RYR2: variants seen among roughly 807,000 people sequenced by gnomAD.
The protein encoded by RYR2 is cardiac muscle ryanodine receptor-calcium release channel.
Under a neutral mutation model 601.1 loss-of-function variants are expected in RYR2, and 227 were observed. That is an observed-to-expected ratio of 0.38 (90% CI 0.34 to 0.42). RYR2 has a LOEUF of 0.42. Ranked by LOEUF, RYR2 falls within the 10% of genes least tolerant of loss-of-function variation. RYR2 has a pLI of 1.00. For missense variants in RYR2, 4,646 were observed against 6,156.5 expected, an observed-to-expected ratio of 0.75 and a Z score of 8.21; for synonymous variants, 2,223 against 2,175.1, an observed-to-expected ratio of 1.02 and a Z score of -0.61.
chr1:237,155,022 C>T (rs1048212290), intron 1 of RYR2, among the ~76,000 whole-genome samples: 5 of 152,050 alleles, frequency 3.3e-5, no homozygotes, highest in Non-Finnish European at 7.3e-5. Flanking sequence ...CTTTCCAAGC[C>T]TCAAGGATCC....
chr1:237,726,149 C>T lies in RYR2; in HGVS notation c.10690-124C>T, dbSNP rs183565379. ...TGCCTCGTGAAAATTTCTAAACCACCGCAGTCCAAACATTTTAAATGTTTA... is the reference window on the plus strand; with the variant it reads ...TGCCTCGTGAAAATTTCTAAACCACTGCAGTCCAAACATTTTAAATGTTTA... On this transcript the variant is annotated intron_variant, in intron 74 of 104. Transcript: ENST00000366574. 244 of 703,278 alleles carry T rather than the reference C, an allele frequency of 3.5e-4. No individual in the cohort carries two copies. The East Asian group carries it at 6.8e-3, about 19-fold the overall frequency. 43.6% of individuals were successfully genotyped at this position (703,278 alleles called of 1,614,324 possible). A position where few individuals can be genotyped will look rare whatever the true frequency, so the allele number is the denominator to read the frequency against.
chr1:237,284,252 G>A (rs1452975877), intron 2 of RYR2, among the ~76,000 whole-genome samples: 1 of 150,482 alleles, frequency 6.6e-6, no homozygotes, highest in African/African-American at 2.5e-5. Context: ...GTGGTCGCGG[G>A]CACCTGTAAT....
intron 24 of RYR2, among the ~76,000 whole-genome samples, chr1:237,512,885 T>C (rs907516768): frequency 1.3e-5 from 2 of 152,000 alleles, no homozygotes; most frequent in East Asian, 3.9e-4. Context: ...ATGATAGTAA[T>C]AAAAATAAAT....
chr1:237,099,062 G>T (rs1667794023), intron 1 of RYR2, among the ~76,000 whole-genome samples: 1 of 151,810 alleles, frequency 6.6e-6, no homozygotes, highest in East Asian at 1.9e-4. Flanking sequence ...AAATGAATGG[G>T]CTTTTAAAGA....
intron 2 of RYR2, among the ~76,000 whole-genome samples, chr1:237,274,410 G>T (rs79146904): frequency 0.16 from 24,071 of 150,306 alleles, 2,365 homozygotes; most frequent in East Asian, 0.53. Flanking sequence ...AGTTTAAAAA[G>T]TAAAAAAAAA....
At chr1:237,065,661 C>A (rs1357866396) in intron 1 of RYR2, among the ~76,000 whole-genome samples, 1 of 152,114 alleles carries the variant, frequency 6.6e-6, no homozygotes, top group Admixed American at 6.5e-5. Flanking sequence ...TTTTGTTCTC[C>A]ATCTCTGTAA....
intron 1 of RYR2, among the ~76,000 whole-genome samples, chr1:237,113,988 TTTA>T (rs766565699): frequency 5.9e-5 from 9 of 152,210 alleles, no homozygotes; most frequent in Non-Finnish European, 8.8e-5. Flanking sequence ...CAACTTGCCT[TTTA>T]TTCTCTCAGC....
chr1:237,545,323 A>G (rs534918041), intron 25 of RYR2, among the ~76,000 whole-genome samples: 4 of 152,350 alleles, frequency 2.6e-5, no homozygotes, highest in African/African-American at 9.6e-5. Context: ...CCCACCTTCC[A>G]CCTTTCAAAA....
At chr1:237,291,973 T>C (rs919187169) in intron 2 of RYR2, among the ~76,000 whole-genome samples, 1 of 152,150 alleles carries the variant, frequency 6.6e-6, no homozygotes, top group African/African-American at 2.4e-5. Flanking sequence ...CGGTGTCACT[T>C]TGATGAAAGA....
intron 1 of RYR2, among the ~76,000 whole-genome samples, chr1:237,046,172 A>G (rs1660581222): frequency 6.6e-6 from 1 of 152,180 alleles, no homozygotes; most frequent in South Asian, 2.1e-4. Context: ...ACAATTATGC[A>G]GTATAGATGC....
At chr1:237,506,970 T>C (rs1300201028) in intron 23 of RYR2, among the ~76,000 whole-genome samples, 156 bp downstream of exon 23, 1 of 152,236 alleles carries the variant, frequency 6.6e-6, no homozygotes. Context: ...TTTGCCTTAC[T>C]ACGTTATTGT....
At chr1:237,551,258 G>T (rs1670360627) in intron 27 of RYR2, among the ~76,000 whole-genome samples, 1 of 152,124 alleles carries the variant, frequency 6.6e-6, no homozygotes, top group Non-Finnish European at 1.5e-5. Flanking sequence ...GGCCGGGCAT[G>T]GTGGCTCACG....
chr1:237,577,481 G>A (rs1223242173), intron 29 of RYR2, among the ~76,000 whole-genome samples: 1 of 150,918 alleles, frequency 6.6e-6, no homozygotes, highest in Non-Finnish European at 1.5e-5. Flanking sequence ...TTATAAGAAG[G>A]AAGTAGGAGT....
At chr1:237,680,714 A>C in intron 62 of RYR2, 137 bp downstream of exon 62, 4 of 577,692 alleles carry the variant, frequency 6.9e-6, no homozygotes, top group Middle Eastern at 4.4e-4. Flanking sequence ...ATGGAAACAA[A>C]TACTAGACAA....
intron 80 of RYR2, among the ~76,000 whole-genome samples, chr1:237,749,737 A>G (rs1692384205): frequency 6.6e-6 from 1 of 152,196 alleles, no homozygotes; most frequent in Non-Finnish European, 1.5e-5. Context: ...CTAATTGCAT[A>G]AGTATTGATG....
intron 1 of RYR2, among the ~76,000 whole-genome samples, chr1:237,190,601 A>T (rs1679868235): frequency 6.6e-6 from 1 of 152,244 alleles, no homozygotes; most frequent in Admixed American, 6.5e-5. Flanking sequence ...AAATAACGAC[A>T]CAACAATAAA....
rs57204036 is a variant in RYR2, at chr1:237,380,359, AATATATATATATATATATATATATAT to A, written c.576+2962_576+2987del. 9.4e-3 allele frequency among the ~76,000 whole-genome samples: 275 copies of A among 29,312 alleles called. 6 individuals are homozygous for A. Among genetic ancestry groups the A allele is most frequent in the South Asian group, 0.046 (35 of 756 alleles). 19.2% of individuals were successfully genotyped at this position (29,312 alleles called of 152,430 possible). A position where few individuals can be genotyped will look rare whatever the true frequency, so the allele number is the denominator to read the frequency against. On this transcript the variant is annotated intron_variant, in intron 8 of 104. Transcript: ENST00000366574. ...GCACACTTGCCTTGTAGAATACACA[AATATATATATATATATATATATATAT>A]ATATATATATATATATATATATATA...
rs1190322456 is a variant in RYR2, at chr1:237,769,071, T to C, written c.11477-1736T>C. 3.3e-5 allele frequency among the ~76,000 whole-genome samples: 5 copies of C among 152,226 alleles called. No homozygotes were observed. The East Asian group carries it at 5.8e-4, about 18-fold the overall frequency. ...TTTCAGTGTTTTTCTGAATACTTTC[T>C]AGTAAGGGTTACTTCTTTCACGAAT... On this transcript the variant is annotated intron_variant, in intron 84 of 104. Transcript: ENST00000366574.
chr1:237,403,353 T>C (rs182571815), intron 10 of RYR2, among the ~76,000 whole-genome samples: 159 of 152,284 alleles, frequency 1.0e-3, no homozygotes, highest in African/African-American at 3.6e-3. Context: ...ATGGGAGACA[T>C]GGGATGTAAG....
Sources: gnomAD v4.1 joint callset for allele counts (sites outside exome capture counted in the v4.1 genomes callset) on GRCh38, gnomAD v4.1.1 for gene constraint, MANE v1.5 for transcripts, NCBI Gene and HGNC (gene_info 2026-07-23, HGNC 2026-07-21) for gene names.